CSMD1: variants seen among roughly 807,000 people sequenced by gnomAD.
The protein encoded by CSMD1 is CUB and Sushi multiple domains 1, also known as CUB and sushi domain-containing protein 1.
In CSMD1, 213 loss-of-function variants were observed where a neutral mutation model predicts 417.5. The observed-to-expected ratio is 0.51, with a 90% CI of 0.46 to 0.57. CSMD1 has a LOEUF of 0.57. Ranked by LOEUF, CSMD1 falls within the 20% of genes least tolerant of loss-of-function variation. CSMD1 has a pLI of 0.00. For synonymous variants in CSMD1, 2,862 were observed against 1,736.8 expected, an observed-to-expected ratio of 1.65 and a Z score of -16.11; for missense variants, 6,923 against 4,529.7, an observed-to-expected ratio of 1.53 and a Z score of -15.17.
rs559091373 is a variant in CSMD1 at position 3,179,048 on chromosome 8, C to T, written c.5725+2062G>A. Among the ~76,000 whole-genome samples the T allele has an allele frequency of 1.9e-4, 29 of 151,312 alleles. 1 individual carries two copies. Among genetic ancestry groups the T allele is most frequent in the South Asian group, 1.5e-3 (7 of 4,746 alleles). On this transcript the variant is annotated intron_variant, in intron 37 of 69. Transcript: ENST00000635120. ...CTGCAAGCTCTGCCTCCCGGGTTCA[C>T]GCCATTCTCCTGCCTCAGCCTCCTG...
chr8:4,131,755 A>ACT (rs1803118920), intron 3 of CSMD1, among the ~76,000 whole-genome samples: 1 of 79,414 alleles, frequency 1.3e-5, no homozygotes, highest in African/African-American at 4.3e-5. Flanking sequence ...TACAAATGTG[A>ACT]CTTTTTTTTT....
chr8:3,839,184 TAATA>T (rs571354050), intron 5 of CSMD1, among the ~76,000 whole-genome samples: 73 of 126,760 alleles, frequency 5.8e-4, no homozygotes, highest in Middle Eastern at 0.012. Flanking sequence ...TATTTATATA[TAATA>T]AATAAATTAA....
chr8:4,439,643 A>AATGGAAGTTGGTAGGAGTGCGTACT (rs1798349147), intron 2 of CSMD1, among the ~76,000 whole-genome samples: 1 of 152,158 alleles, frequency 6.6e-6, no homozygotes, highest in Non-Finnish European at 1.5e-5. Context: ...CATAAGGCAA[A>AATGGAAGTTGGTAGGAGTGCGTACT]ATGGAAGTTG....
chr8:4,909,902 C>G (rs7845551), intron 1 of CSMD1, among the ~76,000 whole-genome samples: 143,516 of 152,254 alleles, frequency 0.94, 67,780 homozygotes, highest in East Asian at 1. Context: ...GCTTTTTCTT[C>G]TTATGAGGAT....
At chr8:4,640,205 A>T (rs1005390852) in intron 1 of CSMD1, among the ~76,000 whole-genome samples, 19 of 152,206 alleles carry the variant, frequency 1.2e-4, no homozygotes, top group Non-Finnish European at 2.4e-4. Flanking sequence ...GTCACATTTG[A>T]TCCATTCATT....
intron 1 of CSMD1, among the ~76,000 whole-genome samples, chr8:4,960,684 C>A (rs1809417387): frequency 1.3e-5 from 2 of 152,132 alleles, no homozygotes; most frequent in African/African-American, 2.4e-5. Context: ...TACATACATG[C>A]ATAAATTATT....
chr8:3,042,366 G>C (rs1811158421), intron 50 of CSMD1, among the ~76,000 whole-genome samples: 2 of 152,072 alleles, frequency 1.3e-5, no homozygotes, highest in South Asian at 2.1e-4. Context: ...AGAAGAGAGA[G>C]GTGGATATGT....
chr8:3,158,116 A>G, intron 38 of CSMD1, 150 bp from the exon 39 acceptor site: 1 of 647,430 alleles, frequency 1.5e-6, no homozygotes. Flanking sequence ...TTTAGTAATG[A>G]TTATTAGTGA....
At chr8:3,349,902 A>AT (rs1220399707) in intron 21 of CSMD1, among the ~76,000 whole-genome samples, 1 of 91,326 alleles carries the variant, frequency 1.1e-5, no homozygotes, top group Non-Finnish European at 2.2e-5. Flanking sequence ...TATAATATAT[A>AT]TTTATATATA....
At position 3,441,492 on chromosome 8, in the gene CSMD1, C is replaced by CATATATATATATAT. The variant is rs377759438; in HGVS notation, c.1561+27206_1561+27219dup. On this transcript the variant is annotated intron_variant, in intron 12 of 69. Transcript: ENST00000635120. The stretch of plus-strand genomic sequence containing the variant: ...TTCATTTGCTTATGGCATATAATTT[C>CATATATATATATAT]ATATATATATATATATATACACACA... Among the ~76,000 whole-genome samples the CATATATATATATAT allele has an allele frequency of 5.8e-3, 840 of 143,610 alleles. 4 individuals are homozygous for CATATATATATATAT. The highest frequency in any genetic ancestry group is 9.8e-3 in the Non-Finnish European group (647 of 65,922). The allele number at this position is 143,610 out of a possible 152,430, so 94.2% of individuals were successfully genotyped here. A position where few individuals can be genotyped will look rare whatever the true frequency, so the allele number is the denominator to read the frequency against.
At chr8:4,045,605 T>C (rs377397991) in intron 3 of CSMD1, among the ~76,000 whole-genome samples, 20 of 152,202 alleles carry the variant, frequency 1.3e-4, no homozygotes, top group Admixed American at 9.2e-4. Context: ...AGAATGTTCC[T>C]GCTATTAGCT....
chr8:3,356,653 T>A, intron 21 of CSMD1, among the ~76,000 whole-genome samples: 1 of 152,162 alleles, frequency 6.6e-6, no homozygotes, highest in East Asian at 1.9e-4. Flanking sequence ...CCAGCCTGGG[T>A]GACAAGAACA....
Position 4,752,039 on chromosome 8 carries a change from C to A in CSMD1, c.86-114481G>T, listed in dbSNP as rs187036929. ...AGTATCTACATTAAATATGTATATGCAAACTGTGTATATATTAATACAAAA... is the reference window on the plus strand; with the variant it reads ...AGTATCTACATTAAATATGTATATGAAAACTGTGTATATATTAATACAAAA... On this transcript the variant is annotated intron_variant, in intron 1 of 69. Coordinates refer to ENST00000635120, the MANE Select transcript of CSMD1 (RefSeq NM_033225.6). Among the ~76,000 whole-genome samples, 63 of 152,088 alleles carry A rather than the reference C, an allele frequency of 4.1e-4. 2 individuals are homozygous for A. Among genetic ancestry groups the A allele is most frequent in the Middle Eastern group, 3.4e-3 (1 of 292 alleles).
In CSMD1 at chr8:4,404,888, T is replaced by C. The variant is rs1298337403; in HGVS notation, c.415+15065A>G. 2.0e-5 allele frequency among the ~76,000 whole-genome samples: 3 copies of C among 152,188 alleles called. No homozygotes were observed. In the East Asian group the frequency reaches 5.8e-4, roughly 29 times the overall value. ...CACTTCCATGCACTTCACATTTATTTCGCTCATTGAATTTTTCCAAAAAGC... is the reference window on the plus strand; with the variant it reads ...CACTTCCATGCACTTCACATTTATTCCGCTCATTGAATTTTTCCAAAAAGC... On this transcript the variant is annotated intron_variant, in intron 3 of 69. Coordinates refer to ENST00000635120, the MANE Select transcript of CSMD1 (RefSeq NM_033225.6).
chr8:3,335,084 A>C (rs1423364725), intron 23 of CSMD1, among the ~76,000 whole-genome samples: 1 of 152,184 alleles, frequency 6.6e-6, no homozygotes. Flanking sequence ...TGACTCATGA[A>C]ACCGAGAGGA....
intron 3 of CSMD1, among the ~76,000 whole-genome samples, chr8:4,191,409 A>C (rs573618766): frequency 2.0e-5 from 3 of 151,966 alleles, no homozygotes; most frequent in African/African-American, 7.3e-5. Flanking sequence ...AAAAACAAAA[A>C]ACAAAACAAA....
At chr8:4,359,231 C>T (rs1355439014) in intron 3 of CSMD1, among the ~76,000 whole-genome samples, 4 of 152,112 alleles carry the variant, frequency 2.6e-5, no homozygotes, top group African/African-American at 4.8e-5. Context: ...AGAGGGGTGT[C>T]CCTCCTTCTG....
At chr8:3,571,999 AT>A (rs1414450065) in intron 10 of CSMD1, among the ~76,000 whole-genome samples, 1 of 152,166 alleles carries the variant, frequency 6.6e-6, no homozygotes, top group East Asian at 1.9e-4. Context: ...ACGGTAGCCC[AT>A]TCATTTGACT....
intron 5 of CSMD1, among the ~76,000 whole-genome samples, chr8:3,992,252 G>A (rs1003693771): frequency 1.3e-5 from 2 of 151,872 alleles, no homozygotes; most frequent in Admixed American, 6.6e-5. Context: ...ACACTTCTAA[G>A]CTCTATTTTT....
Sources: allele counts gnomAD v4.1 joint callset (sites outside exome capture counted in the v4.1 genomes callset), GRCh38; gene constraint gnomAD v4.1.1; transcripts MANE v1.5; gene names NCBI Gene and HGNC (gene_info 2026-07-23, HGNC 2026-07-21).